The following PDK1 variants were observed in gnomAD, a reference collection of about 807,000 sequenced individuals.
PDK1 encodes the protein pyruvate dehydrogenase kinase 1, also known as [Pyruvate dehydrogenase (acetyl-transferring)] kinase isozyme 1, mitochondrial.
PDK1 carries 39 observed loss-of-function variants against 54.2 expected under a neutral mutation model. The ratio of observed to expected loss-of-function variants is 0.72; its 90% CI spans 0.56 to 0.94. The LOEUF is 0.94. PDK1 is among the 40% of genes least tolerant of loss of function. PDK1 has a pLI of 0.00. For synonymous variants in PDK1, 221 were observed against 207.1 expected (o/e 1.07, Z -0.58); for missense variants, 552 against 566.0 (o/e 0.98, Z 0.25).
At position 172,593,458 on chromosome 2, in the gene PDK1, A is replaced by G. The variant is rs147484354; in HGVS notation, c.1170+410A>G. On this transcript the variant is annotated intron_variant, in intron 10 of 10. Coordinates refer to ENST00000282077, the MANE Select transcript of PDK1 (RefSeq NM_002610.5). Reference sequence around the variant, plus strand: ...GCAAAAGCTGTACTGACAGTGCATCATTTTAGTTTCTTTAAACCAACAAGT... The same window carrying G: ...GCAAAAGCTGTACTGACAGTGCATCGTTTTAGTTTCTTTAAACCAACAAGT... Among the ~76,000 whole-genome samples, 358 of 152,222 alleles carry G rather than the reference A, an allele frequency of 2.4e-3. 2 individuals carry two copies. The highest frequency in any genetic ancestry group is 3.6e-3 in the Non-Finnish European group (243 of 68,008).
the PDK1 span, among the ~76,000 whole-genome samples, chr2:172,617,391 G>C: frequency 6.6e-6 from 1 of 152,040 alleles, no homozygotes; most frequent in African/African-American, 2.4e-5. Flanking sequence ...TCTATTTTGT[G>C]CTGCTATAAC....
At chr2:172,570,464 A>G (rs1333313573) in intron 7 of PDK1, 1 of 324,834 alleles carries the variant, frequency 3.1e-6, no homozygotes, top group African/African-American at 2.1e-5. Context: ...TTCTGCTTTA[A>G]TGTAACTAGT....
At chr2:172,567,603 A>G (rs1304623043) in intron 6 of PDK1, among the ~76,000 whole-genome samples, 1 of 152,252 alleles carries the variant, frequency 6.6e-6, no homozygotes, top group Non-Finnish European at 1.5e-5. Context: ...AAGTTATGCA[A>G]TTGAAAATAG....
At chr2:172,667,696 G>A in the PDK1 span, among the ~76,000 whole-genome samples, 1 of 152,142 alleles carries the variant, frequency 6.6e-6, no homozygotes, top group South Asian at 2.1e-4. Flanking sequence ...TAATTCATAA[G>A]GTAATTCTGT....
At chr2:172,699,405 C>T in the PDK1 span, among the ~76,000 whole-genome samples, 28,736 of 151,952 alleles carry the variant, frequency 0.19, 3,299 homozygotes, top group African/African-American at 0.32. Context: ...ACTCTTCCGT[C>T]CCTGCAAGTA....
At chr2:172,578,522 T>C (rs534583642) in intron 8 of PDK1, among the ~76,000 whole-genome samples, 1 of 152,244 alleles carries the variant, frequency 6.6e-6, no homozygotes, top group East Asian at 1.9e-4. Context: ...CCTTATACTT[T>C]AGTTCTTTAG....
At chr2:172,640,254 A>G in the PDK1 span, among the ~76,000 whole-genome samples, 2,618 of 152,312 alleles carry the variant, frequency 0.017, 74 homozygotes, top group African/African-American at 0.059. Flanking sequence ...TAAGTTATGG[A>G]CAGTATCTAC....
chr2:172,673,987 GGATTTAGCCCCATTTA>G, the PDK1 span, among the ~76,000 whole-genome samples: 2 of 152,150 alleles, frequency 1.3e-5, no homozygotes, highest in Admixed American at 6.5e-5. Context: ...GAGCTTCCTT[GGATTTAGCCCCATTTA>G]CAATTTAAAA....
At position 172,558,866 on chromosome 2, in the gene PDK1, G is replaced by A; in HGVS notation, c.338+17G>A. The A allele has an allele frequency of 1.9e-6, 3 of 1,603,156 alleles. No individual in the cohort carries two copies. The South Asian group carries it at 3.4e-5, about 18-fold the overall frequency. On this transcript the variant is annotated intron_variant, in intron 2 of 10. Transcript: ENST00000282077. ...ACAAAGCTGGTAAGATTCTCATCTTGTGTTTGCAATTTGATGGAGTTGTGG... is the reference window on the plus strand; with the variant it reads ...ACAAAGCTGGTAAGATTCTCATCTTATGTTTGCAATTTGATGGAGTTGTGG...
chr2:172,645,537 G>A, the PDK1 span, among the ~76,000 whole-genome samples: 1 of 152,118 alleles, frequency 6.6e-6, no homozygotes, highest in Non-Finnish European at 1.5e-5. Flanking sequence ...GGGATTACAG[G>A]TGTAAGCCAC....
chr2:172,700,346 C>T, the PDK1 span, among the ~76,000 whole-genome samples: 165 of 104,238 alleles, frequency 1.6e-3, no homozygotes, highest in African/African-American at 3.9e-3. Context: ...GCAGAGGCGC[C>T]CCCCACCTCC....
At chr2:172,628,211 T>C in the PDK1 span, among the ~76,000 whole-genome samples, 1 of 152,356 alleles carries the variant, frequency 6.6e-6, no homozygotes, top group South Asian at 2.1e-4. Flanking sequence ...TACAAACCCT[T>C]ACCTGCTAGT....
chr2:172,671,369 A>AAT, the PDK1 span, among the ~76,000 whole-genome samples: 140 of 151,342 alleles, frequency 9.3e-4, no homozygotes, highest in Middle Eastern at 6.8e-3. Flanking sequence ...ATGAATAAAT[A>AAT]ATATATATAT....
At chr2:172,560,834 A>C in intron 2 of PDK1, among the ~76,000 whole-genome samples, 1 of 152,208 alleles carries the variant, frequency 6.6e-6, no homozygotes, top group South Asian at 2.1e-4. Flanking sequence ...CTGATTTAAA[A>C]GTGTTGTTCT....
Position 172,594,514 on chromosome 2 carries a change from A to G in PDK1, c.1171-1315A>G, listed in dbSNP as rs1421362459. 3.3e-5 allele frequency among the ~76,000 whole-genome samples: 5 copies of G among 152,196 alleles called. No homozygotes were observed. In the East Asian group the frequency reaches 7.7e-4, roughly 23 times the overall value. ...TCATAATGTTTTAAGAAAGTTTACA[A>G]ATGTGTTGAGCTTCATTCAAAGCCA... On this transcript the variant is annotated intron_variant, in intron 10 of 10. Coordinates refer to ENST00000282077, the MANE Select transcript of PDK1 (RefSeq NM_002610.5).
chr2:172,609,836 G>T (rs578006861), downstream of PDK1, among the ~76,000 whole-genome samples: 37 of 151,854 alleles, frequency 2.4e-4, no homozygotes, highest in South Asian at 4.4e-3. Flanking sequence ...GTTTTGTTTT[G>T]TTTTTTTTGA....
At chr2:172,674,473 A>G in the PDK1 span, 1 of 152,774 alleles carries the variant, frequency 6.5e-6, no homozygotes, top group African/African-American at 2.4e-5. Flanking sequence ...GTCCACGACT[A>G]TGCTTCTTAA....
chr2:172,644,597 A>G, the PDK1 span, among the ~76,000 whole-genome samples: 1 of 152,234 alleles, frequency 6.6e-6, no homozygotes. Flanking sequence ...GCCTATATGG[A>G]TAATAAGCAC....
the PDK1 span, among the ~76,000 whole-genome samples, chr2:172,695,592 CA>C: frequency 6.6e-6 from 1 of 152,122 alleles, no homozygotes; most frequent in African/African-American, 2.4e-5. Context: ...TGCTCCCAAC[CA>C]ATAGTATATG....
Sources: gnomAD v4.1 joint callset for allele counts (sites outside exome capture counted in the v4.1 genomes callset) on GRCh38, gnomAD v4.1.1 for gene constraint, MANE v1.5 for transcripts, NCBI Gene and HGNC (gene_info 2026-07-23, HGNC 2026-07-21) for gene names.